The following WWOX variants were observed in gnomAD, a reference collection of about 807,000 sequenced individuals.
WWOX encodes the protein WW domain containing oxidoreductase.
A neutral mutation model predicts 46.2 loss-of-function variants in WWOX; 69 were observed. That is an observed-to-expected ratio of 1.49 (90% CI 1.23 to 1.82). The LOEUF (loss-of-function observed/expected upper bound fraction) is 1.82, where lower values mean the gene tolerates loss of function less well. Ranked by LOEUF, WWOX falls within the 40% of genes most tolerant of loss-of-function variation. The pLI is 0.00. For synonymous variants in WWOX, 359 were observed against 202.6 expected (o/e 1.77, Z -6.56); for missense variants, 919 against 542.6 (o/e 1.69, Z -6.89).
At chr16:78,696,788 T>A (rs1243798643) in intron 8 of WWOX, among the ~76,000 whole-genome samples, 1 of 152,046 alleles carries the variant, frequency 6.6e-6, no homozygotes, top group Non-Finnish European at 1.5e-5. Flanking sequence ...CTGCATCCAG[T>A]TTGTACTCCT....
At chr16:78,726,900 A>G (rs912980401) in intron 8 of WWOX, among the ~76,000 whole-genome samples, 2 of 152,282 alleles carry the variant, frequency 1.3e-5, no homozygotes, top group South Asian at 2.1e-4. Context: ...GTCACTGGGT[A>G]TCATTTCCGT....
chr16:78,460,776 C>T (rs1218271695), intron 8 of WWOX, among the ~76,000 whole-genome samples: 2 of 152,230 alleles, frequency 1.3e-5, no homozygotes, highest in South Asian at 2.1e-4. Context: ...GTGATCTTTA[C>T]GCCATCCTCC....
chr16:78,977,571 T>G (rs192392449), intron 8 of WWOX, among the ~76,000 whole-genome samples: 1 of 152,226 alleles, frequency 6.6e-6, no homozygotes, highest in East Asian at 1.9e-4. Context: ...CCTTTTTCTT[T>G]GAGGGGCTAT....
At chr16:78,624,040 A>G (rs367719628) in intron 8 of WWOX, among the ~76,000 whole-genome samples, 62 of 152,328 alleles carry the variant, frequency 4.1e-4, no homozygotes, top group African/African-American at 1.5e-3. Context: ...AAGAACCCAC[A>G]GCATCTTGCA....
At chr16:78,849,854 C>G (rs994813544) in intron 8 of WWOX, among the ~76,000 whole-genome samples, 2 of 152,064 alleles carry the variant, frequency 1.3e-5, no homozygotes, top group Admixed American at 6.5e-5. Context: ...GGTCAGATCA[C>G]CTAAGGTTGG....
chr16:78,748,391 C>T (rs2049399506), intron 8 of WWOX, among the ~76,000 whole-genome samples: 1 of 152,196 alleles, frequency 6.6e-6, no homozygotes, highest in African/African-American at 2.4e-5. Context: ...TTTCTATCTG[C>T]AGTATTTACT....
At chr16:78,591,930 G>A (rs910179959) in intron 8 of WWOX, among the ~76,000 whole-genome samples, 5 of 152,156 alleles carry the variant, frequency 3.3e-5, no homozygotes, top group Non-Finnish European at 7.4e-5. Flanking sequence ...GTACAGATGC[G>A]CTCAAGCGAC....
At chr16:78,998,583 G>A (rs907241104) in intron 8 of WWOX, among the ~76,000 whole-genome samples, 1 of 152,164 alleles carries the variant, frequency 6.6e-6, no homozygotes, top group Non-Finnish European at 1.5e-5. Flanking sequence ...GTTAATCGAT[G>A]TAGTTAAGAC....
chr16:79,184,867 A>C (rs1430633782), intron 8 of WWOX, among the ~76,000 whole-genome samples: 3 of 152,242 alleles, frequency 2.0e-5, no homozygotes, highest in Non-Finnish European at 4.4e-5. Flanking sequence ...GGTGATAAAA[A>C]GGAATCAGTC....
intron 8 of WWOX, among the ~76,000 whole-genome samples, chr16:78,915,618 C>T (rs1470581684): frequency 1.3e-5 from 2 of 152,008 alleles, no homozygotes; most frequent in Non-Finnish European, 2.9e-5. Context: ...AAATAACAGA[C>T]AGTGTTATCA....
chr16:78,988,523 C>G (rs919729593), intron 8 of WWOX, among the ~76,000 whole-genome samples: 1 of 152,062 alleles, frequency 6.6e-6, no homozygotes, highest in African/African-American at 2.4e-5. Context: ...ATTCAGCCTA[C>G]CACTGGTAAT....
intron 8 of WWOX, among the ~76,000 whole-genome samples, chr16:78,906,265 A>T (rs962083861): frequency 2.0e-5 from 3 of 152,212 alleles, no homozygotes; most frequent in African/African-American, 7.2e-5. Flanking sequence ...AGGAAGAAGT[A>T]GGAGGCATAG....
At chr16:78,511,620 C>G (rs1205190177) in intron 8 of WWOX, among the ~76,000 whole-genome samples, 5 of 152,160 alleles carry the variant, frequency 3.3e-5, no homozygotes, top group Non-Finnish European at 7.3e-5. Flanking sequence ...GTACTGCATT[C>G]AGACAGAGGT....
chr16:78,714,272 T>C (rs2048513285), intron 8 of WWOX, among the ~76,000 whole-genome samples: 1 of 152,114 alleles, frequency 6.6e-6, no homozygotes, highest in African/African-American at 2.4e-5. Flanking sequence ...TAGTTGCACA[T>C]GGCTGGGGAG....
intron 8 of WWOX, among the ~76,000 whole-genome samples, chr16:79,083,335 C>G (rs966150610): frequency 6.6e-6 from 1 of 152,102 alleles, no homozygotes; most frequent in African/African-American, 2.4e-5. Flanking sequence ...TCCTATGCCC[C>G]AGCAATTAAG....
intron 8 of WWOX, chr16:78,996,151 A>ATTTT: frequency 1.0e-5 from 9 of 877,020 alleles, no homozygotes; most frequent in East Asian, 1.2e-4. Flanking sequence ...CTTTTTTTTA[A>ATTTT]TTTTTTTTTT....
At chr16:78,577,649 T>G (rs2044921394) in intron 8 of WWOX, among the ~76,000 whole-genome samples, 1 of 152,242 alleles carries the variant, frequency 6.6e-6, no homozygotes, top group East Asian at 1.9e-4. Flanking sequence ...ATTACATACA[T>G]TCATCATTTT....
intron 8 of WWOX, among the ~76,000 whole-genome samples, chr16:79,008,605 A>C (rs551126468): frequency 6.6e-6 from 1 of 152,182 alleles, no homozygotes; most frequent in Non-Finnish European, 1.5e-5. Context: ...ACTTAGAAGC[A>C]TTATGCACCA....
chr16:78,603,842 C>G (rs148219005), intron 8 of WWOX, among the ~76,000 whole-genome samples: 1 of 152,162 alleles, frequency 6.6e-6, no homozygotes. Context: ...TCAGTAGACT[C>G]TCTCAAAAAT....
Sources: allele counts gnomAD v4.1 joint callset (sites outside exome capture counted in the v4.1 genomes callset), GRCh38; gene constraint gnomAD v4.1.1; transcripts MANE v1.5; gene names NCBI Gene and HGNC (gene_info 2026-07-23, HGNC 2026-07-21).